Variants in OPCML observed in about 807,000 individuals in gnomAD.
The protein encoded by OPCML is opioid-binding protein/cell adhesion molecule.
A neutral mutation model predicts 37.8 loss-of-function variants in OPCML; 13 were observed. The observed-to-expected ratio is 0.34, with a 90% CI of 0.22 to 0.55. OPCML has a LOEUF of 0.55. Ranked by LOEUF, OPCML falls within the 20% of genes least tolerant of loss-of-function variation. The probability of loss-of-function intolerance (pLI) is 0.91; values close to 1 mark genes in which losing one functional copy is unlikely to be tolerated. For missense variants in OPCML, 341 were observed against 435.6 expected (o/e 0.78, Z 1.93); for synonymous variants, 176 against 168.8 (o/e 1.04, Z -0.33).
At chr11:133,364,111 C>T (rs369630319) in intron 1 of OPCML, among the ~76,000 whole-genome samples, 2 of 152,088 alleles carry the variant, frequency 1.3e-5, no homozygotes, top group Non-Finnish European at 2.9e-5. Context: ...ATGTTGTTAT[C>T]GATTTCCCTC....
chr11:133,421,113 A>G (rs886692953), intron 1 of OPCML: 23 of 985,320 alleles, frequency 2.3e-5, no homozygotes, highest in Non-Finnish European at 2.7e-5. Flanking sequence ...CAGTGTTACC[A>G]AATGTTCTCC....
intron 1 of OPCML, among the ~76,000 whole-genome samples, chr11:133,263,187 C>A (rs1241598791): frequency 2.0e-5 from 3 of 151,982 alleles, no homozygotes; most frequent in Admixed American, 2.0e-4. Flanking sequence ...TGATCAAAGA[C>A]AATATCATCT....
At chr11:132,725,774 A>C (rs1944856998) in intron 2 of OPCML, among the ~76,000 whole-genome samples, 2 of 144,238 alleles carry the variant, frequency 1.4e-5, no homozygotes, top group South Asian at 4.4e-4. Context: ...GCGAGACTCC[A>C]TCTCAAAAAA....
At chr11:133,099,816 A>G (rs1282468031) in intron 1 of OPCML, among the ~76,000 whole-genome samples, 1 of 152,200 alleles carries the variant, frequency 6.6e-6, no homozygotes, top group Non-Finnish European at 1.5e-5. Context: ...TCTGGATATC[A>G]GCCCTTTGTC....
At chr11:132,721,067 T>C (rs752033679) in intron 2 of OPCML, among the ~76,000 whole-genome samples, 3 of 152,216 alleles carry the variant, frequency 2.0e-5, no homozygotes, top group Admixed American at 6.5e-5. Flanking sequence ...CTCACATGGA[T>C]TGACATTTTA....
intron 4 of OPCML, among the ~76,000 whole-genome samples, chr11:132,467,167 G>C (rs2512700): frequency 1.3e-5 from 2 of 152,124 alleles, no homozygotes; most frequent in African/African-American, 4.8e-5. Flanking sequence ...TAACAGACTC[G>C]TCCACTGGCC....
intron 1 of OPCML, among the ~76,000 whole-genome samples, chr11:133,419,897 A>T (rs914085120): frequency 6.6e-6 from 1 of 152,246 alleles, no homozygotes; most frequent in African/African-American, 2.4e-5. Flanking sequence ...TGACAACAAA[A>T]GAAGTTCTAA....
rs550374991 is a variant in OPCML at position 132,882,466 on chromosome 11, A to C, written c.146+60460T>G. Among the ~76,000 whole-genome samples the C allele has an allele frequency of 2.0e-5, 3 of 152,252 alleles. No homozygotes were observed. In the South Asian group the frequency reaches 6.2e-4, roughly 32 times the overall value. On this transcript the variant is annotated intron_variant, in intron 2 of 7. Transcript: ENST00000524381. ...TTCTCCAGTCCGTCATTTGTGTCCC[A>C]TCCTCTCTTATTGAGATTTATAGGT...
At position 133,144,195 on chromosome 11, in the gene OPCML, T is replaced by A. The variant is rs151126360; in HGVS notation, c.62-201185A>T. On this transcript the variant is annotated intron_variant, in intron 1 of 7. Transcript: ENST00000524381. ...AAAACAGGGAAAAAACAGCAGCCCA[T>A]CTCTGCTTCACTGCGCTCTCTTCCC... Among the ~76,000 whole-genome samples, 561 of 152,306 alleles carry A rather than the reference T, an allele frequency of 3.7e-3. 1 individual carries two copies. The highest frequency in any genetic ancestry group is 5.7e-3 in the Non-Finnish European group (385 of 68,028).
intron 3 of OPCML, among the ~76,000 whole-genome samples, chr11:132,637,500 C>T (rs920114622): frequency 6.6e-6 from 1 of 152,122 alleles, no homozygotes; most frequent in Non-Finnish European, 1.5e-5. Context: ...CTAAGTTTCC[C>T]TTGTTCAGCA....
chr11:133,297,610 A>T (rs1335888660), intron 1 of OPCML: 8 of 152,246 alleles, frequency 5.3e-5, no homozygotes, highest in Admixed American at 2.0e-4. Flanking sequence ...AATAAAAAAG[A>T]AATGAGAGAA....
chr11:132,890,290 C>T (rs1943590068), intron 2 of OPCML, among the ~76,000 whole-genome samples: 1 of 152,186 alleles, frequency 6.6e-6, no homozygotes, highest in South Asian at 2.1e-4. Context: ...CTTCACCCTC[C>T]AAATCTCACT....
intron 1 of OPCML, among the ~76,000 whole-genome samples, chr11:133,391,791 G>A (rs552684718): frequency 1.3e-5 from 2 of 152,144 alleles, no homozygotes; most frequent in South Asian, 2.1e-4. Context: ...CTAAAGCTCC[G>A]TTAAGTGCAT....
At chr11:132,978,811 G>A (rs779796463) in intron 1 of OPCML, among the ~76,000 whole-genome samples, 3 of 150,662 alleles carry the variant, frequency 2.0e-5, no homozygotes, top group South Asian at 2.1e-4. Flanking sequence ...GTATATACAC[G>A]CACACACAGA....
chr11:132,715,336 C>G (rs747764101), intron 2 of OPCML, among the ~76,000 whole-genome samples: 1 of 152,162 alleles, frequency 6.6e-6, no homozygotes, highest in African/African-American at 2.4e-5. Flanking sequence ...AATTTCTGCC[C>G]GTGAGCTGTC....
chr11:132,888,871 GA>G (rs59570917), intron 2 of OPCML, among the ~76,000 whole-genome samples: 14,710 of 142,234 alleles, frequency 0.1, 808 homozygotes, highest in South Asian at 0.17. Context: ...AAAAAAAAAA[GA>G]AAAAAAAAAT....
At chr11:132,593,191 G>A (rs2096487288) in intron 3 of OPCML, among the ~76,000 whole-genome samples, 1 of 152,128 alleles carries the variant, frequency 6.6e-6, no homozygotes, top group African/African-American at 2.4e-5. Context: ...AACATTCCAG[G>A]CAGGGTGAAG....
intron 1 of OPCML, among the ~76,000 whole-genome samples, chr11:133,295,163 G>T (rs566747976): frequency 6.6e-6 from 1 of 151,970 alleles, no homozygotes; most frequent in Non-Finnish European, 1.5e-5. Flanking sequence ...TTTCACTAGG[G>T]GGATATTTTC....
intron 2 of OPCML, among the ~76,000 whole-genome samples, chr11:132,794,587 C>T (rs1357706683): frequency 6.6e-6 from 1 of 152,088 alleles, no homozygotes; most frequent in Non-Finnish European, 1.5e-5. Flanking sequence ...TCCCTCTAAC[C>T]CCCGAATCCA....
Sources: allele counts gnomAD v4.1 joint callset (sites outside exome capture counted in the v4.1 genomes callset), GRCh38; gene constraint gnomAD v4.1.1; transcripts MANE v1.5; gene names NCBI Gene and HGNC (gene_info 2026-07-23, HGNC 2026-07-21).